The following LAMC3 variants were observed in gnomAD, a reference collection of about 807,000 sequenced individuals.
LAMC3 encodes laminin subunit gamma-3.
In LAMC3, 128 loss-of-function variants were observed where a neutral mutation model predicts 173.8. That is an observed-to-expected ratio of 0.74 (90% CI 0.64 to 0.85). LAMC3 has a LOEUF of 0.85. Among genes scored for constraint, LAMC3 ranks in the 40% least tolerant of loss-of-function variants. The probability of loss-of-function intolerance (pLI) is 0.00; values close to 1 mark genes in which losing one functional copy is unlikely to be tolerated. For synonymous variants in LAMC3, 897 were observed against 909.1 expected (o/e 0.99, Z 0.24); for missense variants, 2,022 against 2,156.0 (o/e 0.94, Z 1.23).
chr9:131,091,893 G>A lies in LAMC3; in HGVS notation c.*106G>A, dbSNP rs1830434522. On this transcript the variant is annotated 3_prime_UTR_variant, in exon 28 of 28. Coordinates refer to ENST00000361069, the MANE Select transcript of LAMC3 (RefSeq NM_006059.4). ...CCCATACAGACATTCCCCGGAGCCG[G>A]CTGCTGTGAACTCGCCCCCGTGTGG... 1.4e-6 allele frequency: 2 copies of A among 1,418,582 alleles called. No individual in the cohort carries two copies. The highest frequency in any genetic ancestry group is 9.6e-7 in the Non-Finnish European group (1 of 1,046,702). The allele number at this position is 1,418,582 out of a possible 1,614,324, so 87.9% of individuals were successfully genotyped here.
intron 1 of LAMC3, among the ~76,000 whole-genome samples, chr9:131,024,271 G>A (rs1225612414): frequency 6.6e-6 from 1 of 150,550 alleles, no homozygotes; most frequent in Admixed American, 6.6e-5. Context: ...TCAGCCTCCC[G>A]AGTAGCTGGG....
intron 8 of LAMC3, among the ~76,000 whole-genome samples, chr9:131,047,928 T>C (rs1295118887): frequency 1.7e-5 from 1 of 58,252 alleles, no homozygotes; most frequent in East Asian, 3.3e-4. Context: ...TTTATTTTTT[T>C]AGCAGAGACG....
At position 131,061,229 on chromosome 9, in the gene LAMC3, T is replaced by C. The variant is rs1401315081; in HGVS notation, c.2347+6T>C. The stretch of plus-strand genomic sequence containing the variant: ...CTGCCCCCCGGGCCAGAGAGGTAAG[T>C]GACTCCTGCCCCGGAGCCCTGCCCC... On this transcript the variant is annotated splice_donor_region_variant and intron_variant, in intron 13 of 27. Coordinates refer to ENST00000361069, the MANE Select transcript of LAMC3 (RefSeq NM_006059.4). The C allele has an allele frequency of 1.5e-5, 24 of 1,603,008 alleles. No homozygotes were observed. Among genetic ancestry groups the C allele is most frequent in the Non-Finnish European group, 2.0e-5 (24 of 1,178,284 alleles).
At chr9:131,033,778 C>G (rs563148247) in intron 3 of LAMC3, among the ~76,000 whole-genome samples, 1 of 152,014 alleles carries the variant, frequency 6.6e-6, no homozygotes, top group Non-Finnish European at 1.5e-5. Flanking sequence ...AGGATGGAAA[C>G]GCAGCTCTGT....
chr9:131,077,085 T>C (rs1414227253), intron 21 of LAMC3, 102 bp from the exon 22 acceptor site: 2 of 1,504,100 alleles, frequency 1.3e-6, no homozygotes. Flanking sequence ...GCCTGGGAAG[T>C]TGGCAGAGGC....
intron 15 of LAMC3, 123 bp downstream of exon 15, chr9:131,068,354 G>A (rs1829978288): frequency 9.8e-7 from 1 of 1,020,706 alleles, no homozygotes; most frequent in Non-Finnish European, 1.4e-6. Flanking sequence ...CAGGCACATT[G>A]TGCCCTTTGC....
rs900805180 is a variant in LAMC3 at position 131,029,860 on chromosome 9, C to T, written c.679-2185C>T. On this transcript the variant is annotated intron_variant, in intron 2 of 27. Coordinates refer to ENST00000361069, the MANE Select transcript of LAMC3 (RefSeq NM_006059.4). The surrounding 1 kb of genome is among the most constrained non-coding windows in gnomAD (Gnocchi z 4.6). Reference sequence around the variant, plus strand: ...ATGCCATGGCCTGAGTCCTGGGATCCATCTAAAATCAACTCCAGCACCCAC... The same window carrying T: ...ATGCCATGGCCTGAGTCCTGGGATCTATCTAAAATCAACTCCAGCACCCAC... Among the ~76,000 whole-genome samples, 4 of 152,132 alleles carry T rather than the reference C, an allele frequency of 2.6e-5. No homozygotes were observed. Among genetic ancestry groups the T allele is most frequent in the Non-Finnish European group, 5.9e-5 (4 of 68,018 alleles).
intron 27 of LAMC3, among the ~76,000 whole-genome samples, chr9:131,089,840 G>T (rs540146848): frequency 6.6e-6 from 1 of 152,198 alleles, no homozygotes; most frequent in South Asian, 2.1e-4. Context: ...CCCACACTAA[G>T]CTATTCACAC....
chr9:131,061,247 C>T (rs554666199), intron 13 of LAMC3, 24 bp downstream of exon 13: 5 of 1,587,078 alleles, frequency 3.2e-6, no homozygotes, highest in East Asian at 2.2e-5. Flanking sequence ...GCCCCGGAGC[C>T]CTGCCCCGCA....
chr9:131,010,008 G>T (rs1411141401), intron 1 of LAMC3, among the ~76,000 whole-genome samples: 1 of 151,950 alleles, frequency 6.6e-6, no homozygotes, highest in African/African-American at 2.4e-5. Flanking sequence ...AGAAAATTTG[G>T]CCGGGCGTGG....
intron 27 of LAMC3, among the ~76,000 whole-genome samples, chr9:131,090,409 T>G (rs1030646945): frequency 6.6e-6 from 1 of 152,224 alleles, no homozygotes; most frequent in African/African-American, 2.4e-5. Context: ...TTTCTGAATC[T>G]CTTCGAAGAC....
rs117621658 is a variant in LAMC3, at chr9:131,069,872, C to T, written c.3069+22C>T. 4.0e-3 allele frequency: 6,230 copies of T among 1,565,466 alleles called. 10 individuals are homozygous for T. The highest frequency in any genetic ancestry group is 4.6e-3 in the Non-Finnish European group (5,308 of 1,153,894). The stretch of plus-strand genomic sequence containing the variant: ...GGAGGTGAGTCGGCCCAGACCCACT[C>T]ACCTTTCCATTCATTCTGTATTCCC... On this transcript the variant is annotated intron_variant, in intron 17 of 27. Transcript: ENST00000361069.
chr9:131,084,331 C>G (rs1830293025), intron 24 of LAMC3, among the ~76,000 whole-genome samples: 2 of 152,022 alleles, frequency 1.3e-5, no homozygotes, highest in Admixed American at 1.3e-4. Flanking sequence ...CCACCTCAGT[C>G]TCGTGAGTAG....
intron 24 of LAMC3, among the ~76,000 whole-genome samples, chr9:131,083,213 TG>T (rs529431955): frequency 3.9e-5 from 6 of 152,110 alleles, no homozygotes; most frequent in South Asian, 2.1e-4. Flanking sequence ...TCTCCAACAA[TG>T]GGGGGCTCAC....
At chr9:131,050,864 C>T (rs530377337) in intron 9 of LAMC3, among the ~76,000 whole-genome samples, 19 of 152,214 alleles carry the variant, frequency 1.2e-4, no homozygotes, top group African/African-American at 4.3e-4. Context: ...GTGATGCGGC[C>T]GGTTGTGGAA....
intron 24 of LAMC3, among the ~76,000 whole-genome samples, chr9:131,084,119 G>T (rs1429160911): frequency 1.3e-5 from 2 of 150,776 alleles, no homozygotes; most frequent in East Asian, 3.9e-4. Context: ...CTGACCTCTG[G>T]TGATCTACCT....
At chr9:131,076,347 C>T (rs1286457407) in intron 21 of LAMC3, among the ~76,000 whole-genome samples, 1 of 152,156 alleles carries the variant, frequency 6.6e-6, no homozygotes, top group African/African-American at 2.4e-5. Flanking sequence ...CCTCTGCAGA[C>T]AGACGGCTCT....
Position 131,041,629 on chromosome 9 carries a change from A to G in LAMC3, c.1284-8A>G, listed in dbSNP as rs777757455. Reference sequence around the variant, plus strand: ...GCACATTTTCCTCTTGTCCTGTCTCATTGGCAGACCCTGCACTTGCAATCC... The same window carrying G: ...GCACATTTTCCTCTTGTCCTGTCTCGTTGGCAGACCCTGCACTTGCAATCC... On this transcript the variant is annotated splice_polypyrimidine_tract_variant and splice_region_variant and intron_variant, in intron 6 of 27. Transcript: ENST00000361069. 2 of 1,613,512 alleles carry G rather than the reference A, an allele frequency of 1.2e-6. No individual in the cohort carries two copies. The highest frequency in any genetic ancestry group is 2.2e-5 in the South Asian group (2 of 90,954).
At position 131,009,908 on chromosome 9, in the gene LAMC3, C is replaced by T. The variant is rs1340017871; in HGVS notation, c.373+321C>T. On this transcript the variant is annotated intron_variant, in intron 1 of 27. Coordinates refer to ENST00000361069, the MANE Select transcript of LAMC3 (RefSeq NM_006059.4). The surrounding 1 kb of genome is among the most constrained non-coding windows in gnomAD (Gnocchi z 4.3). ...GTGGCTGACGTCTGTAATCCCAGCACTTTGGGAGGCCGAGGCGGGCGGATC... is the reference window on the plus strand; with the variant it reads ...GTGGCTGACGTCTGTAATCCCAGCATTTTGGGAGGCCGAGGCGGGCGGATC... Among the ~76,000 whole-genome samples, 1 of 151,560 alleles carries T rather than the reference C, an allele frequency of 6.6e-6. No homozygotes were observed. The highest frequency in any genetic ancestry group is 1.5e-5 in the Non-Finnish European group (1 of 67,900).
Sources: allele counts gnomAD v4.1 joint callset (sites outside exome capture counted in the v4.1 genomes callset), GRCh38; gene constraint gnomAD v4.1.1; non-coding constraint Gnocchi (gnomAD v3.1); transcripts MANE v1.5; gene names NCBI Gene and HGNC (gene_info 2026-07-23, HGNC 2026-07-21).